Variants in TARBP1 observed in about 807,000 individuals in gnomAD.
The protein encoded by TARBP1 is tRNA guanosine 2 -O-methyltransferase TARBP1.
A neutral mutation model predicts 178.6 loss-of-function variants in TARBP1; 144 were observed. That is an observed-to-expected ratio of 0.81 (90% CI 0.70 to 0.93). The LOEUF (loss-of-function observed/expected upper bound fraction) is 0.93, where lower values mean the gene tolerates loss of function less well. TARBP1 is among the 40% of genes least tolerant of loss of function. TARBP1 has a pLI of 0.00. For synonymous variants in TARBP1, 787 were observed against 781.0 expected (o/e 1.01, Z -0.13); for missense variants, 2,067 against 2,011.7 (o/e 1.03, Z -0.53).
chr1:234,422,257 C>G (rs1275743892), intron 20 of TARBP1, among the ~76,000 whole-genome samples: 1 of 152,190 alleles, frequency 6.6e-6, no homozygotes, highest in Non-Finnish European at 1.5e-5. Context: ...ACTTGTTCCA[C>G]TCAGTGTGCT....
rs565673500 is a variant in TARBP1, at chr1:234,417,742, G to A, written c.3705+342C>T. Among the ~76,000 whole-genome samples, 3 of 152,180 alleles carry A rather than the reference G, an allele frequency of 2.0e-5. No homozygotes were observed. The East Asian group carries it at 5.8e-4, about 29-fold the overall frequency. ...AACCTTTTTTTCAATTTTAAGGAAC[G>A]CAATTAATTCCTCATCGTTCATATT... On this transcript the variant is annotated intron_variant, in intron 22 of 29. Coordinates refer to ENST00000040877, the MANE Select transcript of TARBP1 (RefSeq NM_005646.4).
intron 20 of TARBP1, among the ~76,000 whole-genome samples, chr1:234,421,518 G>GCCCC (rs34306371): frequency 6.6e-6 from 1 of 151,868 alleles, no homozygotes; most frequent in Non-Finnish European, 1.5e-5. Flanking sequence ...CTCACCTTGT[G>GCCCC]CCCCCGTGTC....
At chr1:234,472,086 C>T (rs1265560360) in intron 2 of TARBP1, among the ~76,000 whole-genome samples, 1 of 152,112 alleles carries the variant, frequency 6.6e-6, no homozygotes, top group Non-Finnish European at 1.5e-5. Context: ...CCTGTAATCC[C>T]AGCACTTTGG....
At chr1:234,471,964 T>C (rs1211859400) in intron 2 of TARBP1, among the ~76,000 whole-genome samples, 1 of 152,172 alleles carries the variant, frequency 6.6e-6, no homozygotes, top group East Asian at 1.9e-4. Context: ...GGTCCCCAAC[T>C]TGCAGAATGG....
chr1:234,451,766 A>AAAAAAAAAAAAAAAAAAAAAAC (rs57636903), intron 9 of TARBP1, among the ~76,000 whole-genome samples: 1 of 17,166 alleles, frequency 5.8e-5, no homozygotes, highest in African/African-American at 4.1e-4. Context: ...AAAAAAAAAA[A>AAAAAAAAAAAAAAAAAAAAAAC]TGATGAATGA....
In TARBP1 at chr1:234,420,688, T is replaced by G; in HGVS notation, c.3555+14A>C. 6.4e-7 allele frequency: 1 copy of G among 1,559,020 alleles called. No homozygotes were observed. The highest frequency in any genetic ancestry group is 1.4e-5 in the African/African-American group (1 of 73,290). ...ATATGCTTCAAAGGTACAAATATAA[T>G]AAAAATATGATACCTGGTCAAGTCT... On this transcript the variant is annotated intron_variant, in intron 21 of 29. Transcript: ENST00000040877.
At chr1:234,470,648 GCT>G (rs1278409432) in intron 3 of TARBP1, among the ~76,000 whole-genome samples, 1 of 148,804 alleles carries the variant, frequency 6.7e-6, no homozygotes, top group Admixed American at 6.7e-5. Context: ...ACGGAGTCTT[GCT>G]CTGTCACCAG....
chr1:234,438,713 G>A (rs1665287143), intron 12 of TARBP1, among the ~76,000 whole-genome samples: 1 of 152,198 alleles, frequency 6.6e-6, no homozygotes, highest in Admixed American at 6.5e-5. Flanking sequence ...CAGTGGGGCT[G>A]AAGAAGTATC....
intron 28 of TARBP1, among the ~76,000 whole-genome samples, chr1:234,392,942 A>G (rs1001042537): frequency 6.6e-6 from 1 of 152,062 alleles, no homozygotes; most frequent in African/African-American, 2.4e-5. Context: ...GATGGTCTCG[A>G]TCTCCTGAGC....
intron 9 of TARBP1, among the ~76,000 whole-genome samples, chr1:234,455,596 G>A (rs1667190047): frequency 6.6e-6 from 1 of 152,176 alleles, no homozygotes; most frequent in Non-Finnish European, 1.5e-5. Context: ...AGTAAGCAGA[G>A]TCTATATCAA....
chr1:234,400,712 C>T (rs555412056), intron 25 of TARBP1: 2 of 152,346 alleles, frequency 1.3e-5, no homozygotes, highest in South Asian at 4.1e-4. Context: ...ATTATATAAG[C>T]ACATTTTGTT....
intron 9 of TARBP1, among the ~76,000 whole-genome samples, chr1:234,457,350 C>T (rs1333675803): frequency 6.6e-6 from 1 of 152,180 alleles, no homozygotes; most frequent in Non-Finnish European, 1.5e-5. Context: ...GAGTTTGTGT[C>T]ACTTACTGTG....
At chr1:234,428,781 C>T (rs565286823) in intron 17 of TARBP1, among the ~76,000 whole-genome samples, 3 of 152,216 alleles carry the variant, frequency 2.0e-5, no homozygotes, top group African/African-American at 4.8e-5. Context: ...CCTGACCTCA[C>T]GTGATCCGCC....
intron 26 of TARBP1, among the ~76,000 whole-genome samples, chr1:234,395,506 G>A (rs1245469155): frequency 2.0e-5 from 3 of 152,170 alleles, no homozygotes; most frequent in Non-Finnish European, 4.4e-5. Context: ...AACAGGACAA[G>A]AACGACTTCC....
rs1201484720 is a variant in TARBP1 at position 234,393,948 on chromosome 1, A to G, written c.4244-111T>C. On this transcript the variant is annotated intron_variant, in intron 26 of 29. Coordinates refer to ENST00000040877, the MANE Select transcript of TARBP1 (RefSeq NM_005646.4). Reference sequence around the variant, plus strand: ...AATGTGAAATAATTTAGAATGAGATAATTTAGAATGAGACTTAACAAAGCA... The same window carrying G: ...AATGTGAAATAATTTAGAATGAGATGATTTAGAATGAGACTTAACAAAGCA... 5.6e-6 allele frequency: 5 copies of G among 888,080 alleles called. No individual in the cohort carries two copies. In the Admixed American group the frequency reaches 9.6e-5, roughly 17 times the overall value. 55.0% of individuals were successfully genotyped at this position (888,080 alleles called of 1,614,324 possible).
intron 19 of TARBP1, among the ~76,000 whole-genome samples, chr1:234,426,068 C>T (rs1373054398): frequency 6.6e-6 from 1 of 152,166 alleles, no homozygotes; most frequent in Non-Finnish European, 1.5e-5. Context: ...GAACCTAGTT[C>T]AATAATACCT....
intron 12 of TARBP1, among the ~76,000 whole-genome samples, chr1:234,443,949 G>A (rs1665872684): frequency 1.3e-5 from 2 of 152,292 alleles, no homozygotes; most frequent in African/African-American, 2.4e-5. Context: ...GATTGCCAGG[G>A]CCTGGGGAAA....
At chr1:234,467,012 A>C (rs1209661923) in intron 4 of TARBP1, among the ~76,000 whole-genome samples, 1 of 152,188 alleles carries the variant, frequency 6.6e-6, no homozygotes, top group African/African-American at 2.4e-5. Context: ...TATAACTCCC[A>C]CTGTCTCTGC....
rs1449569183 is a variant in TARBP1 at position 234,427,780 on chromosome 1, C to T, written c.3061-14G>A. The T allele has an allele frequency of 2.2e-6, 3 of 1,392,958 alleles. No individual in the cohort carries two copies. Among genetic ancestry groups the T allele is most frequent in the African/African-American group, 3.0e-5 (2 of 66,912 alleles). 86.3% of individuals were successfully genotyped at this position (1,392,958 alleles called of 1,614,324 possible). ...CTTGTACATAATCTGGAATAAAATA[C>T]AACCGTCATTTTATCCTTGATTTAG... On this transcript the variant is annotated splice_polypyrimidine_tract_variant and intron_variant, in intron 17 of 29. Coordinates refer to ENST00000040877, the MANE Select transcript of TARBP1 (RefSeq NM_005646.4).
Sources: gnomAD v4.1 joint callset for allele counts (sites outside exome capture counted in the v4.1 genomes callset) on GRCh38, gnomAD v4.1.1 for gene constraint, MANE v1.5 for transcripts, NCBI Gene and HGNC (gene_info 2026-07-23, HGNC 2026-07-21) for gene names.